Variants in MAP1B observed in about 807,000 individuals in gnomAD.
The protein encoded by MAP1B is microtubule-associated protein 1B.
A neutral mutation model predicts 176.1 loss-of-function variants in MAP1B; 12 were observed. The ratio of observed to expected loss-of-function variants is 0.07; its 90% CI spans 0.04 to 0.11. The LOEUF is 0.11. MAP1B is among the 10% of genes least tolerant of loss of function. The pLI, the probability that MAP1B is intolerant of heterozygous loss-of-function variation, is 1.00. For synonymous variants in MAP1B, 1,044 were observed against 1,135.0 expected (o/e 0.92, Z 1.61); for missense variants, 2,523 against 2,990.5 (o/e 0.84, Z 3.65).
intron 3 of MAP1B, among the ~76,000 whole-genome samples, chr5:72,184,890 A>G (rs764454771): frequency 1.4e-4 from 22 of 152,200 alleles, no homozygotes; most frequent in Non-Finnish European, 1.5e-5. Flanking sequence ...GTGTATTTAC[A>G]AAGTTTTGCA....
chr5:72,111,140 G>T (rs35462600), intron 1 of MAP1B, among the ~76,000 whole-genome samples: 4 of 152,124 alleles, frequency 2.6e-5, no homozygotes, highest in Admixed American at 2.6e-4. Flanking sequence ...CATGGATTTA[G>T]CTAGTGGTTC....
rs777724070 is a variant in MAP1B at position 72,197,346 on chromosome 5, G to A, written c.3991G>A (p.Ala1331Thr). 1 of 1,614,206 alleles carries A rather than the reference G, an allele frequency of 6.2e-7. No individual in the cohort carries two copies. The change falls in exon 5 of 7, where the codon GCT becomes ACT. Residue 1331 changes from alanine (A) to threonine (T), a missense_variant. By Grantham distance (58) the Ala-to-Thr change is moderately conservative. Transcript: ENST00000296755. ...VSPSQSVTGS[A>T]GHTPYYQSPT... ...ACCATCTCAGTCCGTGACTGGCAGT[G>A]CTGGTCACACACCTTACTATCAATC...
At chr5:72,163,857 C>T (rs1403444008) in intron 2 of MAP1B, among the ~76,000 whole-genome samples, 1 of 151,590 alleles carries the variant, frequency 6.6e-6, no homozygotes, top group Non-Finnish European at 1.5e-5. Flanking sequence ...ATTTCTGTAA[C>T]CCTGTGTTAC....
chr5:72,175,126 G>A (rs546217605), intron 2 of MAP1B, among the ~76,000 whole-genome samples: 14 of 149,238 alleles, frequency 9.4e-5, no homozygotes, highest in Middle Eastern at 3.4e-3. Flanking sequence ...GTGCAGTGGT[G>A]TGATCTCGGC....
chr5:72,203,489 TG>T, intron 5 of MAP1B, 73 bp from the exon 6 acceptor site: 1 of 1,050,202 alleles, frequency 9.5e-7, no homozygotes, highest in Non-Finnish European at 1.5e-6. Flanking sequence ...TGTGATTGAG[TG>T]GGGAACATGT....
chr5:72,189,839 G>C (rs958570772), intron 4 of MAP1B, among the ~76,000 whole-genome samples: 4 of 152,190 alleles, frequency 2.6e-5, no homozygotes, highest in Admixed American at 2.0e-4. Context: ...TGAGAACAGA[G>C]CTCAGGGAAC....
In MAP1B at chr5:72,205,848, A is replaced by T. The variant is rs1387781468; in HGVS notation, c.*609A>T. ...CATCAAAAAGAGTCTTAATTTTCTA[A>T]AACAAGTTGGCTAGAAGAAAGTAAA... On this transcript the variant is annotated 3_prime_UTR_variant, in exon 7 of 7. Transcript: ENST00000296755. 6.6e-6 allele frequency: 1 copy of T among 152,336 alleles called. No individual in the cohort carries two copies. The highest frequency in any genetic ancestry group is 6.5e-5 in the Admixed American group (1 of 15,304). 9.4% of individuals were successfully genotyped at this position (152,336 alleles called of 1,614,324 possible). A position where few individuals can be genotyped will look rare whatever the true frequency, so the allele number is the denominator to read the frequency against.
chr5:72,163,976 C>A (rs1216451117), intron 2 of MAP1B, among the ~76,000 whole-genome samples: 1 of 122,806 alleles, frequency 8.1e-6, no homozygotes, highest in East Asian at 2.6e-4. Context: ...CTCTGTCACC[C>A]AGACTGGAGT....
chr5:72,116,929 T>C (rs1013750427), intron 2 of MAP1B, among the ~76,000 whole-genome samples: 2 of 152,168 alleles, frequency 1.3e-5, no homozygotes, highest in Non-Finnish European at 2.9e-5. Flanking sequence ...CCTTCGTGAA[T>C]CACATTTGGC....
At chr5:72,187,668 G>T (rs745365987) in intron 4 of MAP1B, among the ~76,000 whole-genome samples, 1 of 152,128 alleles carries the variant, frequency 6.6e-6, no homozygotes, top group Non-Finnish European at 1.5e-5. Flanking sequence ...GTACTGTGAA[G>T]GGCCACGTGT....
intron 2 of MAP1B, chr5:72,116,453 G>A: frequency 2.4e-6 from 1 of 421,220 alleles, no homozygotes; most frequent in Non-Finnish European, 4.6e-6. Flanking sequence ...AATAATTAAA[G>A]GTAAGGATGC....
intron 2 of MAP1B, among the ~76,000 whole-genome samples, chr5:72,156,102 G>C (rs754845789): frequency 2.0e-5 from 3 of 152,096 alleles, no homozygotes; most frequent in Non-Finnish European, 4.4e-5. Flanking sequence ...GGCCCCCCAA[G>C]CTTGCATCCC....
In MAP1B at chr5:72,198,881, A is replaced by G; in HGVS notation, c.5526A>G (p.Gln1842=). Residue 1842 remains glutamine (Q), a synonymous_variant, in exon 5 of 7, where the codon CAA becomes CAG. Transcript: ENST00000296755. The part of the protein sequence containing the change: ...FRASVLFDTM[Q]HHLALNRDLS... ...CCTCAGTGTTATTCGATACAATGCA[A>G]CACCATCTAGCCTTGAATAGAGATT... 6.2e-7 allele frequency: 1 copy of G among 1,614,202 alleles called. No individual in the cohort carries two copies. Among genetic ancestry groups the G allele is most frequent in the Non-Finnish European group, 8.5e-7 (1 of 1,180,040 alleles).
chr5:72,144,990 C>T (rs1165929511), intron 2 of MAP1B, among the ~76,000 whole-genome samples: 1 of 152,146 alleles, frequency 6.6e-6, no homozygotes, highest in Non-Finnish European at 1.5e-5. Flanking sequence ...CCCATCCCTG[C>T]CTATCTCTGG....
chr5:72,124,091 T>C (rs1298605619), intron 2 of MAP1B, among the ~76,000 whole-genome samples: 1 of 152,134 alleles, frequency 6.6e-6, no homozygotes, highest in Non-Finnish European at 1.5e-5. Context: ...ATGACAAAGG[T>C]TACCCAGGTA....
chr5:72,157,474 G>A (rs2112174521), intron 2 of MAP1B, among the ~76,000 whole-genome samples: 1 of 152,332 alleles, frequency 6.6e-6, no homozygotes, highest in East Asian at 1.9e-4. Context: ...GCAGCTGTGG[G>A]ATGCAGCCAG....
chr5:72,205,402 G>C lies in MAP1B; in HGVS notation c.*163G>C, dbSNP rs1399223327. 1.8e-5 allele frequency: 12 copies of C among 676,828 alleles called. No individual in the cohort carries two copies. Among genetic ancestry groups the C allele is most frequent in the Admixed American group, 1.4e-4 (4 of 29,306 alleles). The allele number at this position is 676,828 out of a possible 1,614,324, so 41.9% of individuals were successfully genotyped here. On this transcript the variant is annotated 3_prime_UTR_variant, in exon 7 of 7. Coordinates refer to ENST00000296755, the MANE Select transcript of MAP1B (RefSeq NM_005909.5). ...GTGATGCAAGTCACTAAATTTCTCA[G>C]TTTTTGCTGATTGCTAAGGGAAATA... is the stretch of plus-strand genomic sequence containing the variant.
At position 72,199,219 on chromosome 5, in the gene MAP1B, A is replaced by C; in HGVS notation, c.5864A>C (p.Tyr1955Ser). ...ACACGGACCCCTGAAGAGGGTGGGT[A>C]CTCATATGACATAAGTGAAAAGACC... ...KTTRTPEEGG[Y>S]SYDISEKTTS... Residue 1955 changes from tyrosine to serine, a missense_variant, in exon 5 of 7, where the codon TAC (tyrosine) becomes TCC (serine). Tyr to Ser is a moderately radical substitution (Grantham distance 144). Transcript: ENST00000296755. The surrounding 1 kb of genome is among the most constrained non-coding windows in gnomAD (Gnocchi z 4.2). 1 of 1,614,062 alleles carries C rather than the reference A, an allele frequency of 6.2e-7. No homozygotes were observed. The highest frequency in any genetic ancestry group is 2.2e-5 in the East Asian group (1 of 44,874).
intron 2 of MAP1B, among the ~76,000 whole-genome samples, chr5:72,146,558 A>C (rs1431344719): frequency 1.3e-5 from 2 of 152,194 alleles, no homozygotes; most frequent in Admixed American, 6.5e-5. Flanking sequence ...ATAGCCTTCC[A>C]AGAGGGAGGC....
Sources: gnomAD v4.1 joint callset for allele counts (sites outside exome capture counted in the v4.1 genomes callset) on GRCh38, gnomAD v4.1.1 for gene constraint, Gnocchi (gnomAD v3.1) non-coding constraint, MANE v1.5 for transcripts, NCBI Gene and HGNC (gene_info 2026-07-23, HGNC 2026-07-21) for gene names.